The following MRC1 variants were observed in gnomAD, a reference collection of about 807,000 sequenced individuals.
MRC1 encodes the protein mannose receptor C-type 1, also known as macrophage mannose receptor 1.
MRC1 carries 62 observed loss-of-function variants against 102.9 expected under a neutral mutation model. That is an observed-to-expected ratio of 0.60 (90% confidence interval 0.49 to 0.74). The LOEUF is 0.74. MRC1 is among the 30% of genes least tolerant of loss of function. The probability of loss-of-function intolerance (pLI) is 0.00; values close to 1 mark genes in which losing one functional copy is unlikely to be tolerated. For missense variants in MRC1, 1,237 were observed against 862.8 expected (o/e 1.43, Z -5.43); for synonymous variants, 457 against 298.4 (o/e 1.53, Z -5.48).
At chr10:17,814,355 A>G (rs1253232450) in intron 1 of MRC1, among the ~76,000 whole-genome samples, 2 of 152,176 alleles carry the variant, frequency 1.3e-5, no homozygotes, top group African/African-American at 4.8e-5. Flanking sequence ...CAATTTTTTT[A>G]GACTTTTCAC....
Position 17,849,757 on chromosome 10 carries a change from A to G in MRC1, c.1242A>G (p.Leu414=), listed in dbSNP as rs1476655479. The stretch of plus-strand genomic sequence containing the variant: ...AATTGGACTTTATTATCTCCCAGCT[A>G]GGATATGGTGAGAAACTTGACAGTG... The part of the protein sequence containing the change: ...IEELDFIISQ[L]GYEPNDELWI... Residue 414 remains leucine (L), a synonymous_variant, in exon 7 of 30, where the codon CTA becomes CTG. Transcript: ENST00000569591. 1.3e-6 allele frequency: 1 copy of G among 780,520 alleles called. No individual in the cohort carries two copies. Among genetic ancestry groups the G allele is most frequent in the East Asian group, 2.4e-5 (1 of 41,248 alleles). The allele number at this position is 780,520 out of a possible 1,614,324, so 48.3% of individuals were successfully genotyped here. A position where few individuals can be genotyped will look rare whatever the true frequency, so the allele number is the denominator to read the frequency against.
At chr10:17,880,472 T>C in intron 19 of MRC1, 53 bp from the exon 20 acceptor site, 1 of 773,094 alleles carries the variant, frequency 1.3e-6, no homozygotes, top group Non-Finnish European at 2.4e-6. Flanking sequence ...TTTAAAATAA[T>C]GTTTTAAAAC....
chr10:17,809,566 G>A (rs1003855813), intron 1 of MRC1, 40 bp downstream of exon 1: 288 of 870,352 alleles, frequency 3.3e-4, no homozygotes, highest in Non-Finnish European at 3.2e-4. Context: ...GACCTGGGGG[G>A]CCGGAACCAC....
intron 12 of MRC1, among the ~76,000 whole-genome samples, chr10:17,868,378 A>G (rs903612268): frequency 4.8e-5 from 7 of 147,128 alleles, no homozygotes; most frequent in Non-Finnish European, 8.8e-5. Flanking sequence ...AGCATTTGAG[A>G]GTGTAGGAGA....
chr10:17,867,922 A>G (rs959129236), intron 12 of MRC1, among the ~76,000 whole-genome samples: 120 of 152,250 alleles, frequency 7.9e-4, no homozygotes, highest in Non-Finnish European at 1.6e-3. Flanking sequence ...GAGGAAAGGA[A>G]ATGATAGGTT....
In MRC1 at chr10:17,900,879, A is replaced by T; in HGVS notation, c.3575A>T (p.Tyr1192Phe). Residue 1192 changes from tyrosine to phenylalanine, a missense_variant, in exon 25 of 30, where the codon TAT becomes TTT. Coordinates refer to ENST00000569591, the MANE Select transcript of MRC1 (RefSeq NM_002438.4). The stretch of plus-strand genomic sequence containing the variant: ...CCCAAATTGAAATCAGCATGTGTTT[A>T]TCTGGATCTTGATGGCTACTGGAAG... ...DEPKLKSACVYLDLDGYWKTA... is the reference protein window; with the variant it reads ...DEPKLKSACVFLDLDGYWKTA... 2.6e-6 allele frequency: 2 copies of T among 780,848 alleles called. No individual in the cohort carries two copies. Among genetic ancestry groups the T allele is most frequent in the East Asian group, 2.4e-5 (1 of 41,238 alleles). The allele number at this position is 780,848 out of a possible 1,614,324, so 48.4% of individuals were successfully genotyped here.
At position 17,898,102 on chromosome 10, in the gene MRC1, T is replaced by A; in HGVS notation, c.3319T>A (p.Tyr1107Asn). The change falls in exon 24 of 30, where the codon TAT (tyrosine) becomes AAT (asparagine). Residue 1107 changes from tyrosine (Y) to asparagine (N), a missense_variant. Physicochemically the swap from Tyr to Asn is moderately radical, Grantham distance 143 (BLOSUM62 -2). Coordinates refer to ENST00000569591, the MANE Select transcript of MRC1 (RefSeq NM_002438.4). ...CTTTGTTAAATATGGCAAAAGCAGC[T>A]ATTCACTCATGAGACAAAAATTTCA... The part of the protein sequence containing the change: ...DGFVKYGKSS[Y>N]SLMRQKFQWH... The A allele has an allele frequency of 1.3e-6, 1 of 780,896 alleles. No homozygotes were observed. The highest frequency in any genetic ancestry group is 2.4e-5 in the East Asian group (1 of 41,258). The allele number at this position is 780,896 out of a possible 1,614,324, so 48.4% of individuals were successfully genotyped here.
chr10:17,856,169 C>CAAA (rs1243445821), intron 8 of MRC1, 73 bp from the exon 9 acceptor site: 108 of 520,834 alleles, frequency 2.1e-4, no homozygotes, highest in Admixed American at 3.4e-4. Context: ...GACACTGTCT[C>CAAA]AAAAAAAAAA....
chr10:17,845,284 C>T lies in MRC1; in HGVS notation c.917-5C>T, dbSNP rs781914541. 6.0e-5 allele frequency: 47 copies of T among 780,618 alleles called. No homozygotes were observed. Among genetic ancestry groups the T allele is most frequent in the Admixed American group, 3.2e-4 (19 of 58,980 alleles). The allele number at this position is 780,618 out of a possible 1,614,324, so 48.4% of individuals were successfully genotyped here. A position where few individuals can be genotyped will look rare whatever the true frequency, so the allele number is the denominator to read the frequency against. Reference sequence around the variant, plus strand: ...GTCCACTTTAACTTTTCCTTTTCCTCGAAGGAAGTCCATCAGCTGAACCTG... The same window carrying T: ...GTCCACTTTAACTTTTCCTTTTCCTTGAAGGAAGTCCATCAGCTGAACCTG... On this transcript the variant is annotated splice_region_variant and splice_polypyrimidine_tract_variant and intron_variant, in intron 5 of 29. Coordinates refer to ENST00000569591, the MANE Select transcript of MRC1 (RefSeq NM_002438.4).
intron 1 of MRC1, among the ~76,000 whole-genome samples, chr10:17,811,421 C>T (rs1838219705): frequency 1.3e-5 from 2 of 152,280 alleles, no homozygotes; most frequent in South Asian, 4.1e-4. Context: ...CCTCCTCTGA[C>T]TAATGTCTTC....
intron 21 of MRC1, among the ~76,000 whole-genome samples, chr10:17,884,450 CTAT>C (rs1257459963): frequency 6.6e-6 from 1 of 152,198 alleles, no homozygotes; most frequent in East Asian, 1.9e-4. Flanking sequence ...TCTCACACTA[CTAT>C]TAAGAGCTGC....
intron 7 of MRC1, among the ~76,000 whole-genome samples, chr10:17,851,159 T>C (rs1476268288): frequency 6.6e-6 from 1 of 152,176 alleles, no homozygotes; most frequent in Non-Finnish European, 1.5e-5. Context: ...TTGTATAACA[T>C]AATGTAGTGA....
At chr10:17,825,309 T>A (rs1418340345) in intron 2 of MRC1, among the ~76,000 whole-genome samples, 2 of 152,104 alleles carry the variant, frequency 1.3e-5, no homozygotes, top group African/African-American at 4.8e-5. Flanking sequence ...ATGGATTTGA[T>A]GGTTATTTGG....
chr10:17,868,100 G>T (rs1157924676), intron 12 of MRC1, among the ~76,000 whole-genome samples: 1 of 152,112 alleles, frequency 6.6e-6, no homozygotes, highest in Non-Finnish European at 1.5e-5. Context: ...AAACCCCAAT[G>T]AATTAAGGAT....
chr10:17,841,615 T>C (rs1006602811), intron 5 of MRC1, among the ~76,000 whole-genome samples: 2,353 of 152,224 alleles, frequency 0.015, 41 homozygotes, highest in South Asian at 0.084. Flanking sequence ...AGCAACTATT[T>C]AGAGAAAACA....
In MRC1 at chr10:17,824,097, G is replaced by A. The variant is rs955001917; in HGVS notation, c.463+622G>A. 9.9e-4 allele frequency among the ~76,000 whole-genome samples: 151 copies of A among 152,260 alleles called. 1 individual carries two copies. Among genetic ancestry groups the A allele is most frequent in the African/African-American group, 3.5e-3 (147 of 41,548 alleles). On this transcript the variant is annotated intron_variant, in intron 2 of 29. Transcript: ENST00000569591. ...TCAGAGAAGGTGATACCTCCAATGC[G>A]GTGGGAGGAATCCTCTTATATGTAG... is the stretch of plus-strand genomic sequence containing the variant.
At chr10:17,864,826 TCAA>T (rs1833239516) in intron 11 of MRC1, among the ~76,000 whole-genome samples, 1 of 26,322 alleles carries the variant, frequency 3.8e-5, no homozygotes, top group African/African-American at 2.3e-4. Flanking sequence ...CAAAACTCCA[TCAA>T]AAAAAAAAAA....
At position 17,911,003 on chromosome 10, in the gene MRC1, C is replaced by T. The variant is rs935799234; in HGVS notation, c.*538C>T. ...ATAAGGCAGCTGAGAATCTTGTTTC[C>T]CCCAAGAGAGTTTTACAGGCTGAGT... is the stretch of plus-strand genomic sequence containing the variant. On this transcript the variant is annotated 3_prime_UTR_variant, in exon 30 of 30. Transcript: ENST00000569591. 2.4e-5 allele frequency: 4 copies of T among 165,588 alleles called. No homozygotes were observed. The highest frequency in any genetic ancestry group is 7.2e-5 in the African/African-American group (3 of 41,450). 10.3% of individuals were successfully genotyped at this position (165,588 alleles called of 1,614,324 possible).
chr10:17,872,401 A>G (rs954503654), intron 15 of MRC1, among the ~76,000 whole-genome samples: 6 of 152,210 alleles, frequency 3.9e-5, no homozygotes, highest in Admixed American at 6.5e-5. Flanking sequence ...CCCAGGTTCC[A>G]TAGCAGTAGA....
Sources: gnomAD v4.1 joint callset for allele counts (sites outside exome capture counted in the v4.1 genomes callset) on GRCh38, gnomAD v4.1.1 for gene constraint, MANE v1.5 for transcripts, NCBI Gene and HGNC (gene_info 2026-07-23, HGNC 2026-07-21) for gene names.